The following DNAI7 variants were observed in gnomAD, a reference collection of about 807,000 sequenced individuals.
The protein encoded by DNAI7 is cancer susceptibility 1.
DNAI7 carries 78 observed loss-of-function variants against 86.6 expected under a neutral mutation model. The observed-to-expected ratio is 0.90, with a 90% CI of 0.75 to 1.09. DNAI7 has a LOEUF of 1.09. Ranked by LOEUF, DNAI7 falls within the 50% of genes least tolerant of loss-of-function variation. DNAI7 has a pLI of 0.00. For synonymous variants in DNAI7, 274 were observed against 273.0 expected, an observed-to-expected ratio of 1.00 and a Z score of -0.04; for missense variants, 753 against 810.2, an observed-to-expected ratio of 0.93 and a Z score of 0.86.
At chr12:25,134,177 G>T (rs1229892700) in intron 9 of DNAI7, among the ~76,000 whole-genome samples, 2 of 151,140 alleles carry the variant, frequency 1.3e-5, no homozygotes, top group African/African-American at 4.9e-5. Flanking sequence ...TTGATTTTTA[G>T]TACAGACGAG....
At chr12:25,194,824 C>G in intron 1 of DNAI7, 1 of 1,531,424 alleles carries the variant, frequency 6.5e-7, no homozygotes, top group African/African-American at 1.4e-5. Flanking sequence ...CATTCGAGAT[C>G]AGGATACCGT....
At chr12:25,125,913 A>C (rs527990481) in intron 9 of DNAI7, among the ~76,000 whole-genome samples, 1 of 152,190 alleles carries the variant, frequency 6.6e-6, no homozygotes, top group Admixed American at 6.5e-5. Context: ...TGAAGATGAG[A>C]TGTTTGCAGA....
At chr12:25,158,639 T>C (rs1946491062) in intron 3 of DNAI7, 76 bp from the exon 4 acceptor site, 2 of 1,523,884 alleles carry the variant, frequency 1.3e-6, no homozygotes, top group East Asian at 2.4e-5. Flanking sequence ...ACTCCTAATA[T>C]TTTCAAGATG....
chr12:25,163,712 A>G (rs1449163113), intron 2 of DNAI7, among the ~76,000 whole-genome samples: 1 of 152,166 alleles, frequency 6.6e-6, no homozygotes, highest in East Asian at 1.9e-4. Context: ...AGATTCACCT[A>G]CGACCTCTGG....
chr12:25,142,334 G>A (rs1213670334), intron 9 of DNAI7, among the ~76,000 whole-genome samples: 2 of 152,062 alleles, frequency 1.3e-5, no homozygotes, highest in African/African-American at 4.8e-5. Context: ...AATGGACTTT[G>A]GGGACTCAAG....
At chr12:25,139,766 G>A (rs4460902) in intron 9 of DNAI7, among the ~76,000 whole-genome samples, 103,937 of 151,956 alleles carry the variant, frequency 0.68, 39,605 homozygotes, top group East Asian at 0.99. Flanking sequence ...GTTGATGGGT[G>A]CAGCAAACCA....
chr12:25,152,562 A>G (rs1945681967), intron 6 of DNAI7, among the ~76,000 whole-genome samples: 1 of 152,204 alleles, frequency 6.6e-6, no homozygotes, highest in South Asian at 2.1e-4. Flanking sequence ...TATCTTTTGT[A>G]ATATCCTTTA....
At chr12:25,177,346 CT>C (rs1010310176) in intron 2 of DNAI7, among the ~76,000 whole-genome samples, 4 of 152,220 alleles carry the variant, frequency 2.6e-5, no homozygotes, top group African/African-American at 4.8e-5. Flanking sequence ...CCCATTGCCC[CT>C]AGCCCTGTCA....
chr12:25,182,605 TACACACACACACACAC>T (rs71065917), intron 2 of DNAI7, among the ~76,000 whole-genome samples: 2 of 132,098 alleles, frequency 1.5e-5, no homozygotes, highest in Non-Finnish European at 3.2e-5. Context: ...TGAGACTGTC[TACACACACACACACAC>T]ACACACACAC....
In DNAI7 at chr12:25,161,111, AC is replaced by A; in HGVS notation, c.106+1del. 1 of 1,610,532 alleles carries A rather than the reference AC, an allele frequency of 6.2e-7. No individual in the cohort carries two copies. Among genetic ancestry groups the A allele is most frequent in the South Asian group, 1.1e-5 (1 of 91,022 alleles). ...TAAATAGTATCACTATTTATTTTGT[AC>A]CTTCCTCTTTCAGTCGTCTCTCCTC... is the stretch of plus-strand genomic sequence containing the variant. On this transcript the variant is annotated splice_donor_variant, in intron 3 of 15. Coordinates refer to ENST00000395987, the MANE Select transcript of DNAI7 (RefSeq NM_018272.5). LOFTEE classifies it high-confidence loss of function.
chr12:25,193,683 TAAGAAG>T (rs141038276), intron 1 of DNAI7, among the ~76,000 whole-genome samples: 1 of 151,730 alleles, frequency 6.6e-6, no homozygotes, highest in Admixed American at 6.6e-5. Context: ...GAGAAGGATC[TAAGAAG>T]AAGAAGAAAC....
At chr12:25,138,668 G>T (rs1282278762) in intron 9 of DNAI7, among the ~76,000 whole-genome samples, 1 of 151,956 alleles carries the variant, frequency 6.6e-6, no homozygotes, top group East Asian at 1.9e-4. Flanking sequence ...CAATAATAGT[G>T]ACAAAACCTA....
chr12:25,147,736 T>C (rs1945051760), intron 7 of DNAI7, among the ~76,000 whole-genome samples: 1 of 152,214 alleles, frequency 6.6e-6, no homozygotes. Context: ...AGTCATAACA[T>C]CAGAATCATG....
intron 4 of DNAI7, among the ~76,000 whole-genome samples, chr12:25,156,615 CCTGTAATCT>C (rs1946208160): frequency 1.3e-5 from 2 of 152,084 alleles, no homozygotes; most frequent in South Asian, 4.2e-4. Context: ...GTGGCGGGTG[CCTGTAATCT>C]CTGCTACTCG....
intron 9 of DNAI7, among the ~76,000 whole-genome samples, chr12:25,130,523 C>T (rs1010842476): frequency 1.3e-5 from 2 of 150,710 alleles, no homozygotes; most frequent in Non-Finnish European, 2.9e-5. Context: ...GGCGAAAGAG[C>T]GAGACTCCCT....
At chr12:25,187,155 G>C (rs750589893) in intron 2 of DNAI7, among the ~76,000 whole-genome samples, 1 of 152,008 alleles carries the variant, frequency 6.6e-6, no homozygotes, top group Non-Finnish European at 1.5e-5. Context: ...CTACAAACCG[G>C]CTCCTGATTA....
In DNAI7 at chr12:25,110,228, C is replaced by T. The variant is rs1331281397; in HGVS notation, c.1792G>A (p.Glu598Lys). Reference sequence around the variant, plus strand: ...GCCATCTGTCGATAAGCTTTCACTTCTACCAAAGGAACCTGTCAATATAAA... The same window carrying T: ...GCCATCTGTCGATAAGCTTTCACTTTTACCAAAGGAACCTGTCAATATAAA... ...VIINNKVPLVEVKAYRQMALL... is the reference protein window; with the variant it reads ...VIINNKVPLVKVKAYRQMALL... Residue 598 changes from glutamate (E) to lysine (K), a missense_variant, in exon 15 of 16, where the codon GAA (glutamate) becomes AAA (lysine). Coordinates refer to ENST00000395987, the MANE Select transcript of DNAI7 (RefSeq NM_018272.5). The T allele has an allele frequency of 1.3e-6, 2 of 1,597,276 alleles. No individual in the cohort carries two copies. Among genetic ancestry groups the T allele is most frequent in the Admixed American group, 1.7e-5 (1 of 59,776 alleles).
intron 7 of DNAI7, among the ~76,000 whole-genome samples, chr12:25,147,479 A>ACCCC (rs1555170102): frequency 6.6e-6 from 1 of 150,442 alleles, no homozygotes; most frequent in Non-Finnish European, 1.5e-5. Context: ...TAATGAGACC[A>ACCCC]CCCCCATCTC....
intron 15 of DNAI7, among the ~76,000 whole-genome samples, chr12:25,109,613 A>G (rs993749049): frequency 2.0e-5 from 3 of 152,170 alleles, no homozygotes; most frequent in African/African-American, 4.8e-5. Context: ...CCTGGCTTGA[A>G]GTCAAGAGCT....
Sources: allele counts gnomAD v4.1 joint callset (sites outside exome capture counted in the v4.1 genomes callset), GRCh38; gene constraint gnomAD v4.1.1; transcripts MANE v1.5; gene names NCBI Gene and HGNC (gene_info 2026-07-23, HGNC 2026-07-21).